The following UBE2R2 variants were observed in gnomAD, a reference collection of about 807,000 sequenced individuals.
UBE2R2 encodes the protein ubiquitin-conjugating enzyme E2 R2.
In UBE2R2, 1 loss-of-function variant was observed where a neutral mutation model predicts 27.8. That is an observed-to-expected ratio of 0.04 (90% confidence interval 0.01 to 0.17). The LOEUF is 0.17. Ranked by LOEUF, UBE2R2 falls within the 10% of genes least tolerant of loss-of-function variation. The pLI is 1.00. For synonymous variants in UBE2R2, 106 were observed against 113.3 expected, an observed-to-expected ratio of 0.94 and a Z score of 0.41; for missense variants, 100 against 291.0, an observed-to-expected ratio of 0.34 and a Z score of 4.78.
intron 1 of UBE2R2, among the ~76,000 whole-genome samples, chr9:33,830,089 G>T (rs550594287): frequency 5.9e-5 from 9 of 151,298 alleles, no homozygotes; most frequent in African/African-American, 1.7e-4. Flanking sequence ...GAGCCACCGC[G>T]CCCAGCCTAA....
At chr9:33,913,395 A>G (rs192617914) in intron 4 of UBE2R2, among the ~76,000 whole-genome samples, 1 of 152,016 alleles carries the variant, frequency 6.6e-6, no homozygotes, top group African/African-American at 2.4e-5. Context: ...AGTAACTAAG[A>G]CTATAGGCAT....
At chr9:33,823,662 C>A (rs945141746) in intron 1 of UBE2R2, among the ~76,000 whole-genome samples, 4 of 152,210 alleles carry the variant, frequency 2.6e-5, no homozygotes, top group African/African-American at 9.7e-5. Flanking sequence ...AGGCATGAGC[C>A]ACCGCGCCTG....
intron 3 of UBE2R2, among the ~76,000 whole-genome samples, chr9:33,911,402 C>CAAAAAAAAAAAAAA (rs60526576): frequency 1.1e-4 from 6 of 53,202 alleles, no homozygotes; most frequent in African/African-American, 3.1e-4. Flanking sequence ...AACTCCATCT[C>CAAAAAAAAAAAAAA]AAAAAAAAAA....
chr9:33,839,259 C>T (rs541648552), intron 1 of UBE2R2, among the ~76,000 whole-genome samples: 11 of 152,106 alleles, frequency 7.2e-5, no homozygotes, highest in South Asian at 4.2e-4. Context: ...TGTTTTGAGA[C>T]GGAGTTTCAC....
rs527380568 is a variant in UBE2R2, at chr9:33,868,303, G to GA, written c.178-18573dup. The stretch of plus-strand genomic sequence containing the variant: ...AGGCCAAAAAGGCAACATTTGGGCT[G>GA]AAAAATAGGGTCAGCTGTTTTCACT... On this transcript the variant is annotated intron_variant, in intron 1 of 4. Transcript: ENST00000263228. Among the ~76,000 whole-genome samples, 66 of 152,232 alleles carry GA rather than the reference G, an allele frequency of 4.3e-4. No individual in the cohort carries two copies. The East Asian group carries it at 0.011, about 25-fold the overall frequency.
chr9:33,887,847 T>C (rs1821896968), intron 2 of UBE2R2, among the ~76,000 whole-genome samples: 1 of 152,176 alleles, frequency 6.6e-6, no homozygotes, highest in Non-Finnish European at 1.5e-5. Context: ...CAGCTAATTT[T>C]TGTATTTTTA....
At chr9:33,853,840 G>A (rs1171594501) in intron 1 of UBE2R2, among the ~76,000 whole-genome samples, 5 of 136,292 alleles carry the variant, frequency 3.7e-5, no homozygotes, top group Non-Finnish European at 6.1e-5. Context: ...ATATTGGCAC[G>A]TGCCACCACA....
chr9:33,877,306 C>T (rs913999033), intron 1 of UBE2R2, among the ~76,000 whole-genome samples: 1 of 151,398 alleles, frequency 6.6e-6, no homozygotes, highest in Non-Finnish European at 1.5e-5. Context: ...CTCAGCCTCC[C>T]GAGTAGCTGG....
At chr9:33,896,952 T>C (rs1045190432) in intron 2 of UBE2R2, among the ~76,000 whole-genome samples, 1 of 116,666 alleles carries the variant, frequency 8.6e-6, no homozygotes, top group Non-Finnish European at 1.8e-5. Context: ...GTGTTTTTTG[T>C]GTTTTTTTTT....
Position 33,886,870 on chromosome 9 carries a change from T to A in UBE2R2, c.178-11T>A. On this transcript the variant is annotated splice_polypyrimidine_tract_variant and intron_variant, in intron 1 of 4. Transcript: ENST00000263228. ...TCTCATTTATTAGCATTTCATTTTT[T>A]TTCTTTTCAGGCGCATATTAAATTT... 6.4e-7 allele frequency: 1 copy of A among 1,573,204 alleles called. No homozygotes were observed. The highest frequency in any genetic ancestry group is 8.6e-7 in the Non-Finnish European group (1 of 1,168,044).
intron 1 of UBE2R2, among the ~76,000 whole-genome samples, chr9:33,843,042 CTTTTTTT>C (rs71506139): frequency 9.5e-6 from 1 of 105,314 alleles, no homozygotes; most frequent in African/African-American, 4.0e-5. Context: ...AAACAGACCA[CTTTTTTT>C]TTTTTTTTTT....
chr9:33,854,434 C>T (rs563381293), intron 1 of UBE2R2, among the ~76,000 whole-genome samples: 4 of 152,154 alleles, frequency 2.6e-5, no homozygotes, highest in South Asian at 4.2e-4. Context: ...ATTCTCCTGC[C>T]TCAGCCTCCC....
intron 2 of UBE2R2, among the ~76,000 whole-genome samples, chr9:33,895,723 A>T (rs186821892): frequency 6.6e-6 from 1 of 150,750 alleles, no homozygotes; most frequent in Admixed American, 6.6e-5. Flanking sequence ...TTTTCAACGT[A>T]CAAGTCTTTT....
intron 1 of UBE2R2, among the ~76,000 whole-genome samples, chr9:33,835,765 C>T (rs1397272291): frequency 2.0e-5 from 3 of 151,170 alleles, no homozygotes; most frequent in South Asian, 4.2e-4. Flanking sequence ...CACCTGTAGT[C>T]CCAACTACTC....
chr9:33,834,469 C>G (rs763130808), intron 1 of UBE2R2, among the ~76,000 whole-genome samples: 1 of 151,978 alleles, frequency 6.6e-6, no homozygotes, highest in Non-Finnish European at 1.5e-5. Context: ...ACCTTGGCCT[C>G]CCAAAGTGTT....
At chr9:33,912,962 A>AT (rs535876134) in intron 4 of UBE2R2, among the ~76,000 whole-genome samples, 18 of 150,000 alleles carry the variant, frequency 1.2e-4, no homozygotes, top group African/African-American at 3.2e-4. Flanking sequence ...TTTCTAATTA[A>AT]TTTTTTTTTT....
intron 1 of UBE2R2, among the ~76,000 whole-genome samples, chr9:33,867,208 A>T (rs2130775244): frequency 6.6e-6 from 1 of 151,868 alleles, no homozygotes; most frequent in Middle Eastern, 3.4e-3. Flanking sequence ...TTATTTTTTG[A>T]ATCTCTTTTG....
intron 2 of UBE2R2, among the ~76,000 whole-genome samples, chr9:33,898,853 A>C (rs2130808197): frequency 6.6e-6 from 1 of 152,346 alleles, no homozygotes; most frequent in South Asian, 2.1e-4. Context: ...ATTTTACCTA[A>C]CTTTATCTTT....
chr9:33,844,306 G>A (rs1198086776), intron 1 of UBE2R2, among the ~76,000 whole-genome samples: 5 of 152,170 alleles, frequency 3.3e-5, no homozygotes, highest in African/African-American at 1.2e-4. Context: ...CCGGGTTCAA[G>A]CGATTCTTCT....
Sources: allele counts gnomAD v4.1 joint callset (sites outside exome capture counted in the v4.1 genomes callset), GRCh38; gene constraint gnomAD v4.1.1; transcripts MANE v1.5; gene names NCBI Gene and HGNC (gene_info 2026-07-23, HGNC 2026-07-21).